The following STAC variants were observed in gnomAD, a reference collection of about 807,000 sequenced individuals.
STAC encodes SH3 and cysteine-rich domain-containing protein.
Under a neutral mutation model 48.8 loss-of-function variants are expected in STAC, and 43 were observed. The ratio of observed to expected loss-of-function variants is 0.88; its 90% CI spans 0.69 to 1.14. The LOEUF is 1.14. Ranked by LOEUF, STAC falls within the 50% of genes most tolerant of loss-of-function variation. STAC has a pLI of 0.00. For missense variants in STAC, 497 were observed against 504.0 expected, an observed-to-expected ratio of 0.99 and a Z score of 0.13; for synonymous variants, 193 against 179.5, an observed-to-expected ratio of 1.07 and a Z score of -0.60.
intron 10 of STAC, among the ~76,000 whole-genome samples, chr3:36,536,299 G>A (rs2125500748): frequency 6.6e-6 from 1 of 152,194 alleles, no homozygotes; most frequent in South Asian, 2.1e-4. Flanking sequence ...GGCAACCTAA[G>A]CAAAAAGAAC....
At position 36,428,534 on chromosome 3, in the gene STAC, T is replaced by C. The variant is rs138778940; in HGVS notation, c.112-14830T>C. Among the ~76,000 whole-genome samples the C allele has an allele frequency of 1.6e-3, 243 of 152,136 alleles. 1 individual carries two copies. In the Middle Eastern group the frequency reaches 0.017, roughly 11 times the overall value. On this transcript the variant is annotated intron_variant, in intron 1 of 10. Coordinates refer to ENST00000273183, the MANE Select transcript of STAC (RefSeq NM_003149.3). ...CAAAATAAAAAGTTAAGAAACAAAATCAAATAGTAATAAGTGCTCTGAAGA... is the reference window on the plus strand; with the variant it reads ...CAAAATAAAAAGTTAAGAAACAAAACCAAATAGTAATAAGTGCTCTGAAGA...
intron 2 of STAC, among the ~76,000 whole-genome samples, chr3:36,454,346 TAACA>T (rs1559498090): frequency 6.6e-6 from 1 of 151,672 alleles, no homozygotes; most frequent in African/African-American, 2.4e-5. Context: ...TTAAGAGCTG[TAACA>T]CTCACCACGA....
intron 2 of STAC, among the ~76,000 whole-genome samples, chr3:36,463,529 C>G (rs1697078260): frequency 6.8e-6 from 1 of 147,014 alleles, no homozygotes; most frequent in African/African-American, 2.5e-5. Flanking sequence ...TTTAATTATA[C>G]TTTAAGTTTT....
At chr3:36,402,026 C>G (rs984780948) in intron 1 of STAC, among the ~76,000 whole-genome samples, 1 of 152,112 alleles carries the variant, frequency 6.6e-6, no homozygotes, top group African/African-American at 2.4e-5. Context: ...GCCGCTTGCC[C>G]ATGGTCACAT....
Position 36,414,279 on chromosome 3 carries a change from G to T in STAC, c.112-29085G>T, listed in dbSNP as rs1162955252. Among the ~76,000 whole-genome samples the T allele has an allele frequency of 4.6e-5, 7 of 152,060 alleles. No individual in the cohort carries two copies. The South Asian group carries it at 1.5e-3, about 32-fold the overall frequency. On this transcript the variant is annotated intron_variant, in intron 1 of 10. Transcript: ENST00000273183. ...ATATCCTGCAGAGTGTTTTCCAACT[G>T]GGTTCAATTCTCCCCATCACTTTCA...
At chr3:36,530,561 GAAT>G (rs1699037188) in intron 10 of STAC, among the ~76,000 whole-genome samples, 1 of 143,438 alleles carries the variant, frequency 7.0e-6, no homozygotes, top group Admixed American at 7.0e-5. Flanking sequence ...TATCCTCAAA[GAAT>G]AATAATTCAC....
chr3:36,494,778 A>G (rs1698094100), intron 6 of STAC, among the ~76,000 whole-genome samples: 1 of 152,212 alleles, frequency 6.6e-6, no homozygotes, highest in African/African-American at 2.4e-5. Flanking sequence ...CATTAGAGAG[A>G]CAAATTAGAG....
At chr3:36,387,569 T>C (rs1485508542) in intron 1 of STAC, among the ~76,000 whole-genome samples, 3 of 152,136 alleles carry the variant, frequency 2.0e-5, no homozygotes, top group Non-Finnish European at 2.9e-5. Context: ...GTTTACCATA[T>C]AAGAGAAATC....
At chr3:36,398,414 G>A (rs1699915737) in intron 1 of STAC, among the ~76,000 whole-genome samples, 8 of 35,728 alleles carry the variant, frequency 2.2e-4, no homozygotes, top group Non-Finnish European at 4.2e-4. Flanking sequence ...GAAAGAGAGA[G>A]GGAAGGAAGG....
At chr3:36,517,559 C>A (rs570258246) in intron 8 of STAC, among the ~76,000 whole-genome samples, 7 of 152,238 alleles carry the variant, frequency 4.6e-5, no homozygotes, top group African/African-American at 1.7e-4. Flanking sequence ...GAAGCTGAAG[C>A]AGAAGGATCA....
intron 10 of STAC, among the ~76,000 whole-genome samples, chr3:36,530,064 G>A (rs1283959845): frequency 6.6e-6 from 1 of 152,210 alleles, no homozygotes; most frequent in Non-Finnish European, 1.5e-5. Context: ...AGGCTGCAGT[G>A]AGCCGAGATC....
chr3:36,502,427 C>T (rs1325444905), intron 6 of STAC, among the ~76,000 whole-genome samples: 4 of 152,242 alleles, frequency 2.6e-5, no homozygotes, highest in East Asian at 3.9e-4. Context: ...TGCAACCATA[C>T]ATGAAAACAT....
intron 3 of STAC, 59 bp downstream of exon 3, chr3:36,483,151 C>A: frequency 2.3e-6 from 3 of 1,307,242 alleles, no homozygotes; most frequent in Non-Finnish European, 3.3e-6. Flanking sequence ...TTGCCTGCTG[C>A]AGTGAGATCA....
Position 36,483,005 on chromosome 3 carries a change from G to C in STAC, c.402G>C (p.Lys134Asn). ...TGTACCTGACAGGAACAAATGCTAAGCATGGACTGCGCTGCAAAGCCTGTA... is the reference window on the plus strand; with the variant it reads ...TGTACCTGACAGGAACAAATGCTAACCATGGACTGCGCTGCAAAGCCTGTA... ...CNHMIVGTNA[K>N]HGLRCKACKM... is the part of the protein sequence containing the mutation. Residue 134 changes from lysine to asparagine, a missense_variant, in exon 3 of 11, where the codon AAG becomes AAC. Coordinates refer to ENST00000273183, the MANE Select transcript of STAC (RefSeq NM_003149.3). 6.2e-7 allele frequency: 1 copy of C among 1,614,062 alleles called. No individual in the cohort carries two copies. Among genetic ancestry groups the C allele is most frequent in the East Asian group, 2.2e-5 (1 of 44,882 alleles).
intron 2 of STAC, among the ~76,000 whole-genome samples, chr3:36,459,858 C>A (rs997519817): frequency 6.6e-6 from 1 of 152,012 alleles, no homozygotes; most frequent in Non-Finnish European, 1.5e-5. Context: ...TTAAGTCAGA[C>A]CTCCTTTAGG....
At chr3:36,388,824 T>C (rs965621430) in intron 1 of STAC, among the ~76,000 whole-genome samples, 4 of 152,112 alleles carry the variant, frequency 2.6e-5, no homozygotes, top group African/African-American at 7.2e-5. Flanking sequence ...TATTCTAATG[T>C]TTTGTAACTT....
chr3:36,410,638 C>A (rs767646472), intron 1 of STAC, among the ~76,000 whole-genome samples: 2 of 152,154 alleles, frequency 1.3e-5, no homozygotes, highest in Admixed American at 6.5e-5. Context: ...GATATCCGTT[C>A]TTTTTGCTGT....
chr3:36,435,890 A>G (rs771356231), intron 1 of STAC, among the ~76,000 whole-genome samples: 55 of 151,982 alleles, frequency 3.6e-4, no homozygotes, highest in Non-Finnish European at 5.7e-4. Flanking sequence ...CTCCTTCCTC[A>G]CCAGCCTTTC....
intron 2 of STAC, among the ~76,000 whole-genome samples, chr3:36,474,493 C>T (rs1298192516): frequency 6.6e-6 from 1 of 152,196 alleles, no homozygotes; most frequent in African/African-American, 2.4e-5. Context: ...AGAGATCTCT[C>T]AGCGTGCAGA....
Sources: gnomAD v4.1 joint callset for allele counts (sites outside exome capture counted in the v4.1 genomes callset) on GRCh38, gnomAD v4.1.1 for gene constraint, MANE v1.5 for transcripts, NCBI Gene and HGNC (gene_info 2026-07-23, HGNC 2026-07-21) for gene names.